The following CSNK2A2IP variants were observed in gnomAD, a reference collection of about 807,000 sequenced individuals.
The protein encoded by CSNK2A2IP is casein kinase II subunit alpha'-interacting protein.
the CSNK2A2IP span, among the ~76,000 whole-genome samples, chr3:88,457,746 A>C: frequency 3.4e-4 from 48 of 141,598 alleles, no homozygotes; most frequent in East Asian, 2.6e-3. Context: ...AAAATAAAAT[A>C]AAATAAAATC....
chr3:88,423,726 G>A, the CSNK2A2IP span, among the ~76,000 whole-genome samples: 6 of 152,172 alleles, frequency 3.9e-5, no homozygotes, highest in South Asian at 6.2e-4. Flanking sequence ...TTCAAGTGCC[G>A]ATTTAAAAAA....
At chr3:88,421,382 T>A in the CSNK2A2IP span, among the ~76,000 whole-genome samples, 1 of 152,108 alleles carries the variant, frequency 6.6e-6, no homozygotes, top group African/African-American at 2.4e-5. Context: ...ACAATTAAGG[T>A]TCCCTATTAG....
the CSNK2A2IP span, among the ~76,000 whole-genome samples, chr3:88,432,728 CTT>C: frequency 6.6e-6 from 1 of 150,532 alleles, no homozygotes; most frequent in Non-Finnish European, 1.5e-5. Context: ...CTCTTGAAAT[CTT>C]AGCAATAATT....
At chr3:88,456,748 T>C in the CSNK2A2IP span, among the ~76,000 whole-genome samples, 1 of 151,966 alleles carries the variant, frequency 6.6e-6, no homozygotes, top group African/African-American at 2.4e-5. Context: ...TACACTTTTG[T>C]CAAAAAATCT....
chr3:88,367,023 A>G, the CSNK2A2IP span, among the ~76,000 whole-genome samples: 1 of 152,058 alleles, frequency 6.6e-6, no homozygotes, highest in Non-Finnish European at 1.5e-5. Context: ...CCATGATTCA[A>G]TTGTCTCCCA....
chr3:88,392,808 G>C, the CSNK2A2IP span, among the ~76,000 whole-genome samples: 1 of 152,242 alleles, frequency 6.6e-6, no homozygotes, highest in Admixed American at 6.5e-5. Context: ...TAGTTAACTG[G>C]GCTATTGGGT....
chr3:88,428,816 G>T, the CSNK2A2IP span, among the ~76,000 whole-genome samples: 1 of 151,914 alleles, frequency 6.6e-6, no homozygotes, highest in East Asian at 1.9e-4. Flanking sequence ...TAGACTAGAT[G>T]TTCCTAACTT....
the CSNK2A2IP span, among the ~76,000 whole-genome samples, chr3:88,392,001 T>A: frequency 6.6e-6 from 1 of 152,148 alleles, no homozygotes; most frequent in Non-Finnish European, 1.5e-5. Context: ...TGATGAGCGC[T>A]TTAATGGAAG....
chr3:88,433,143 G>C, the CSNK2A2IP span, among the ~76,000 whole-genome samples: 10 of 152,002 alleles, frequency 6.6e-5, no homozygotes, highest in Middle Eastern at 3.4e-3. Flanking sequence ...AACTTAAAAT[G>C]ATAAAAGATA....
the CSNK2A2IP span, among the ~76,000 whole-genome samples, chr3:88,353,459 T>A: frequency 6.6e-6 from 1 of 152,206 alleles, no homozygotes; most frequent in Non-Finnish European, 1.5e-5. Flanking sequence ...CGTGCCTGAC[T>A]CTTCAGGCCT....
At chr3:88,355,126 A>G in the CSNK2A2IP span, among the ~76,000 whole-genome samples, 2,520 of 152,256 alleles carry the variant, frequency 0.017, 87 homozygotes, top group African/African-American at 0.058. Context: ...GAGAATCAGG[A>G]AGCTATCGTT....
the CSNK2A2IP span, among the ~76,000 whole-genome samples, chr3:88,392,191 C>A: frequency 6.6e-6 from 1 of 152,058 alleles, no homozygotes; most frequent in African/African-American, 2.4e-5. Context: ...GTAGGTAGTA[C>A]AGGGCAAACT....
the CSNK2A2IP span, among the ~76,000 whole-genome samples, chr3:88,396,157 T>G: frequency 2.1e-5 from 3 of 144,776 alleles, no homozygotes; most frequent in Non-Finnish European, 4.5e-5. Context: ...CAGGCTGGAG[T>G]GCAGTGGCGC....
the CSNK2A2IP span, among the ~76,000 whole-genome samples, chr3:88,457,713 A>AATAAAATAAAATAAG: frequency 2.3e-4 from 26 of 111,274 alleles, no homozygotes; most frequent in African/African-American, 6.9e-4. Flanking sequence ...AATAAAATAA[A>AATAAAATAAAATAAG]ATAAAATAAA....
the CSNK2A2IP span, chr3:88,465,345 A>T: frequency 2.4e-6 from 3 of 1,230,494 alleles, no homozygotes; most frequent in Middle Eastern, 3.1e-4. Context: ...AAAGACCTCT[A>T]CTACAACACA....
At chr3:88,373,227 G>A in the CSNK2A2IP span, among the ~76,000 whole-genome samples, 1 of 151,302 alleles carries the variant, frequency 6.6e-6, no homozygotes, top group Non-Finnish European at 1.5e-5. Flanking sequence ...ACTATATTCT[G>A]AGCAATAAAA....
the CSNK2A2IP span, among the ~76,000 whole-genome samples, chr3:88,414,485 G>A: frequency 6.6e-6 from 1 of 151,580 alleles, no homozygotes. Context: ...GTTTCACCAT[G>A]TTGGCCAGGC....
the CSNK2A2IP span, among the ~76,000 whole-genome samples, chr3:88,408,887 A>T: frequency 6.6e-6 from 1 of 151,976 alleles, no homozygotes; most frequent in Non-Finnish European, 1.5e-5. Flanking sequence ...ACAAATACAC[A>T]CATTTATCAT....
the CSNK2A2IP span, among the ~76,000 whole-genome samples, chr3:88,419,822 T>C: frequency 1.3e-5 from 2 of 152,332 alleles, no homozygotes; most frequent in Admixed American, 1.3e-4. Context: ...ATCCTAATTA[T>C]AAAACAAACA....
Sources: gnomAD v4.1 joint callset for allele counts (sites outside exome capture counted in the v4.1 genomes callset) on GRCh38, gnomAD v4.1.1 for gene constraint, MANE v1.5 for transcripts, NCBI Gene and HGNC (gene_info 2026-07-23, HGNC 2026-07-21) for gene names.